Variants in PEX1 observed in about 807,000 individuals in gnomAD.
PEX1 encodes the protein peroxisomal ATPase PEX1.
A neutral mutation model predicts 152.5 loss-of-function variants in PEX1; 97 were observed. The observed-to-expected ratio is 0.64, with a 90% CI of 0.54 to 0.75. The LOEUF is 0.75. PEX1 is among the 30% of genes least tolerant of loss of function. The pLI is 0.00. For missense variants in PEX1, 1,357 were observed against 1,516.3 expected (o/e 0.89, Z 1.74); for synonymous variants, 485 against 531.6 (o/e 0.91, Z 1.21).
Position 92,504,853 on chromosome 7 carries a change from C to A in PEX1, c.1950G>T (p.Glu650Asp). The A allele has an allele frequency of 6.2e-7, 1 of 1,613,992 alleles. No homozygotes were observed. The highest frequency in any genetic ancestry group is 8.5e-7 in the Non-Finnish European group (1 of 1,179,854). The change falls in exon 12 of 24, where the codon GAG (glutamate) becomes GAT (aspartate). Residue 650 changes from glutamate (E) to aspartate (D), a missense_variant. Transcript: ENST00000248633. Reference sequence around the variant, plus strand: ...CAACAGATGGCTGCATCCACACTGCCTCTGAGAAAGCCACCTCTAGGGTTT... The same window carrying A: ...CAACAGATGGCTGCATCCACACTGCATCTGAGAAAGCCACCTCTAGGGTTT... ...IQKTLEVAFS[E>D]AVWMQPSVVL...
chr7:92,494,210 T>C, intron 19 of PEX1, 83 bp downstream of exon 19: 1 of 993,908 alleles, frequency 1.0e-6, no homozygotes, highest in East Asian at 2.5e-5. Context: ...TAAGGACAAT[T>C]GCCATTACCT....
In PEX1 at chr7:92,493,103, G is replaced by T; in HGVS notation, c.3057C>A (p.Val1019=). Residue 1019 remains valine (V), a synonymous_variant, in exon 20 of 24, where the codon GTC becomes GTA. Coordinates refer to ENST00000248633, the MANE Select transcript of PEX1 (RefSeq NM_000466.3). ...DQVSRLEILN[V]LSDSLPLADD... ...CTGCCAGAGGTAGAGAGTCACTGAG[G>T]ACATTTAAAATTTCAAGACGTGACA... The T allele has an allele frequency of 1.2e-6, 2 of 1,607,590 alleles. No homozygotes were observed. The highest frequency in any genetic ancestry group is 1.7e-6 in the Non-Finnish European group (2 of 1,175,806).
At chr7:92,510,775 A>G in intron 8 of PEX1, 169 bp downstream of exon 8, 1 of 505,770 alleles carries the variant, frequency 2.0e-6, no homozygotes, top group Non-Finnish European at 3.6e-6. Context: ...ATTTGTACAG[A>G]TAATTTAAAG....
rs796831916 is a variant in PEX1 at position 92,494,117 on chromosome 7, A to G, written c.3030+176T>C. 45 of 615,896 alleles carry G rather than the reference A, an allele frequency of 7.3e-5. No individual in the cohort carries two copies. In the African/African-American group the frequency reaches 7.9e-4, roughly 11 times the overall value. 38.2% of individuals were successfully genotyped at this position (615,896 alleles called of 1,614,324 possible). On this transcript the variant is annotated intron_variant, in intron 19 of 23. Coordinates refer to ENST00000248633, the MANE Select transcript of PEX1 (RefSeq NM_000466.3). Reference sequence around the variant, plus strand: ...GTTTTCAGACTTGCACTGGGCCAAAAAAAGGCTTTGCATCTAATTCAGAAT... The same window carrying G: ...GTTTTCAGACTTGCACTGGGCCAAAGAAAGGCTTTGCATCTAATTCAGAAT...
chr7:92,513,255 C>A (rs1368228252), intron 6 of PEX1, among the ~76,000 whole-genome samples: 2 of 152,110 alleles, frequency 1.3e-5, no homozygotes, highest in Non-Finnish European at 2.9e-5. Flanking sequence ...ACTTGTACAC[C>A]AATGTTCACT....
At chr7:92,506,789 G>A in intron 10 of PEX1, 1 of 600,538 alleles carries the variant, frequency 1.7e-6, no homozygotes. Context: ...GAGAACATCA[G>A]TCTTATTCGT....
At chr7:92,517,121 T>A (rs1476485505) in intron 5 of PEX1, among the ~76,000 whole-genome samples, 155 bp downstream of exon 5, 1 of 152,230 alleles carries the variant, frequency 6.6e-6, no homozygotes, top group African/African-American at 2.4e-5. Context: ...ACAAGGACTT[T>A]ACTGCAAAGC....
chr7:92,500,521 A>G (rs1475700001), intron 15 of PEX1, among the ~76,000 whole-genome samples: 2 of 152,202 alleles, frequency 1.3e-5, no homozygotes, highest in East Asian at 3.8e-4. Context: ...ATCTCCATGT[A>G]CTAATGCTTG....
intron 4 of PEX1, 30 bp from the exon 5 acceptor site, chr7:92,518,072 C>T (rs377497778): frequency 6.2e-7 from 1 of 1,613,182 alleles, no homozygotes; most frequent in African/African-American, 1.3e-5. Flanking sequence ...CATTAGTGCA[C>T]ATTCATTTCT....
intron 11 of PEX1, among the ~76,000 whole-genome samples, chr7:92,505,477 T>A (rs911337240): frequency 2.4e-4 from 37 of 151,806 alleles, no homozygotes; most frequent in Non-Finnish European, 4.9e-4. Flanking sequence ...CATGTATTCA[T>A]TTATACCCAG....
intron 6 of PEX1, among the ~76,000 whole-genome samples, chr7:92,512,792 A>G (rs967839153): frequency 1.3e-5 from 2 of 149,896 alleles, no homozygotes; most frequent in Non-Finnish European, 3.0e-5. Flanking sequence ...GCCTGGCTTA[A>G]TTTTTTTTTT....
intron 15 of PEX1, 72 bp downstream of exon 15, chr7:92,501,435 C>T: frequency 7.8e-7 from 1 of 1,280,972 alleles, no homozygotes; most frequent in Non-Finnish European, 1.1e-6. Flanking sequence ...CAAGCTGACA[C>T]ATAAAGCCAA....
intron 2 of PEX1, among the ~76,000 whole-genome samples, chr7:92,519,571 A>C (rs1233691370): frequency 6.6e-6 from 1 of 152,246 alleles, no homozygotes; most frequent in African/African-American, 2.4e-5. Flanking sequence ...TAAGTAAAAA[A>C]TATAAGAAGA....
Position 92,496,712 on chromosome 7 carries a change from C to T in PEX1, c.2783+1G>A. On this transcript the variant is annotated splice_donor_variant, in intron 17 of 23. Coordinates refer to ENST00000248633, the MANE Select transcript of PEX1 (RefSeq NM_000466.3). LOFTEE classifies it high-confidence loss of function. ...TTTAAAAACATTCATAGGCTACCAACCTAATAAAAATATCCCGAACAGCTT... is the reference window on the plus strand; with the variant it reads ...TTTAAAAACATTCATAGGCTACCAATCTAATAAAAATATCCCGAACAGCTT... The T allele has an allele frequency of 6.3e-7, 1 of 1,594,512 alleles. No individual in the cohort carries two copies. Among genetic ancestry groups the T allele is most frequent in the South Asian group, 1.1e-5 (1 of 90,636 alleles).
At chr7:92,494,077 C>G in intron 19 of PEX1, 1 of 525,950 alleles carries the variant, frequency 1.9e-6, no homozygotes, top group Non-Finnish European at 3.4e-6. Context: ...TCAGCCAACA[C>G]AGAAGGATTA....
chr7:92,516,540 A>G (rs1004675660), intron 5 of PEX1, among the ~76,000 whole-genome samples: 1 of 152,352 alleles, frequency 6.6e-6, no homozygotes, highest in Admixed American at 6.5e-5. Context: ...AAAATCTACA[A>G]AAGGAGACAA....
chr7:92,506,477 A>G, intron 10 of PEX1, 133 bp from the exon 11 acceptor site: 1 of 685,278 alleles, frequency 1.5e-6, no homozygotes, highest in African/African-American at 1.8e-5. Flanking sequence ...AAGAGGAGAG[A>G]ATACTTCCCA....
At chr7:92,488,382 C>T (rs1029667280) in intron 23 of PEX1, among the ~76,000 whole-genome samples, 4 of 152,068 alleles carry the variant, frequency 2.6e-5, no homozygotes, top group Non-Finnish European at 5.9e-5. Flanking sequence ...CTTCAAAGTA[C>T]TGCAAAATTA....
intron 1 of PEX1, among the ~76,000 whole-genome samples, chr7:92,522,508 A>G (rs1257495756): frequency 2.0e-5 from 3 of 152,236 alleles, no homozygotes; most frequent in Non-Finnish European, 4.4e-5. Context: ...AAATGGCAGC[A>G]GTCAGTCAAT....
Sources: gnomAD v4.1 joint callset for allele counts (sites outside exome capture counted in the v4.1 genomes callset) on GRCh38, gnomAD v4.1.1 for gene constraint, MANE v1.5 for transcripts, NCBI Gene and HGNC (gene_info 2026-07-23, HGNC 2026-07-21) for gene names.